The following KCNQ1 variants were observed in gnomAD, a reference collection of about 807,000 sequenced individuals.
The protein encoded by KCNQ1 is potassium voltage-gated channel subfamily KQT member 1.
A neutral mutation model predicts 72.4 loss-of-function variants in KCNQ1; 49 were observed. That is an observed-to-expected ratio of 0.68 (90% CI 0.54 to 0.86). The LOEUF (loss-of-function observed/expected upper bound fraction) is 0.86, where lower values mean the gene tolerates loss of function less well. Ranked by LOEUF, KCNQ1 falls within the 40% of genes least tolerant of loss-of-function variation. KCNQ1 has a pLI of 0.00. For synonymous variants in KCNQ1, 450 were observed against 412.6 expected (o/e 1.09, Z -1.10); for missense variants, 790 against 945.1 (o/e 0.84, Z 2.15).
intron 1 of KCNQ1, 104 bp from the exon 2 acceptor site, chr11:2,527,824 C>A: frequency 1.1e-6 from 1 of 946,466 alleles, no homozygotes; most frequent in Non-Finnish European, 1.7e-6. Flanking sequence ...ACTGTCTGTT[C>A]CTACCTGGGG....
At chr11:2,453,326 T>C (rs1188092495) in intron 1 of KCNQ1, among the ~76,000 whole-genome samples, 2 of 151,838 alleles carry the variant, frequency 1.3e-5, no homozygotes, top group African/African-American at 4.8e-5. Flanking sequence ...TGAGCCGAGA[T>C]CACGCCGTTG....
chr11:2,556,785 A>G (rs964995069), intron 2 of KCNQ1, among the ~76,000 whole-genome samples: 7 of 152,218 alleles, frequency 4.6e-5, no homozygotes, highest in Admixed American at 4.6e-4. Flanking sequence ...GTCTTTAGAG[A>G]GTAGCAGACC....
chr11:2,733,814 A>ACACACACTCT lies in KCNQ1; in HGVS notation c.1515-35029_1515-35028insACACACTCTC. Among the ~76,000 whole-genome samples the ACACACACTCT allele has an allele frequency of 2.9e-3, 255 of 86,552 alleles. 4 individuals are homozygous for ACACACACTCT. Among genetic ancestry groups the ACACACACTCT allele is most frequent in the Admixed American group, 0.02 (158 of 8,006 alleles). The allele number at this position is 86,552 out of a possible 152,430, so 56.8% of individuals were successfully genotyped here. A position where few individuals can be genotyped will look rare whatever the true frequency, so the allele number is the denominator to read the frequency against. On this transcript the variant is annotated intron_variant, in intron 11 of 15. Transcript: ENST00000155840. The stretch of plus-strand genomic sequence containing the variant: ...CACACACACACACACACACACACAC[A>ACACACACTCT]CTCTCTCACTCTCTCTCTCTCTCTC...
chr11:2,778,125 C>A lies in KCNQ1; in HGVS notation c.1794+88C>A, dbSNP rs888501308. The A allele has an allele frequency of 3.9e-6, 5 of 1,288,306 alleles. No individual in the cohort carries two copies. In the African/African-American group the frequency reaches 7.2e-5, roughly 19 times the overall value. 79.8% of individuals were successfully genotyped at this position (1,288,306 alleles called of 1,614,324 possible). ...CTGTGGTCTGCGTGTGAACGTGAAG[C>A]TCCTGCAGGCCTCCCCACCTTCCCG... On this transcript the variant is annotated intron_variant, in intron 15 of 15. Transcript: ENST00000155840.
Position 2,762,072 on chromosome 11 carries a change from A to G in KCNQ1, c.1515-6772A>G, listed in dbSNP as rs1846406449. ...AGCCAGTGGTAGACCCTTCACGGTC[A>G]GGCACCTATGACTCCCCGTTCCCTG... On this transcript the variant is annotated intron_variant, in intron 11 of 15. Coordinates refer to ENST00000155840, the MANE Select transcript of KCNQ1 (RefSeq NM_000218.3). The surrounding 1 kb of genome is among the most constrained non-coding windows in gnomAD (Gnocchi z 4.3). Among the ~76,000 whole-genome samples, 1 of 152,210 alleles carries G rather than the reference A, an allele frequency of 6.6e-6. No individual in the cohort carries two copies. The highest frequency in any genetic ancestry group is 1.5e-5 in the Non-Finnish European group (1 of 68,042).
intron 10 of KCNQ1, chr11:2,622,960 T>C (rs1849199603): frequency 1.0e-5 from 4 of 398,526 alleles, no homozygotes; most frequent in Admixed American, 4.4e-5. Context: ...ATGTGTAACA[T>C]GTTGATATGG....
chr11:2,733,347 C>T (rs1178377265), intron 11 of KCNQ1, among the ~76,000 whole-genome samples: 1 of 152,020 alleles, frequency 6.6e-6, no homozygotes, highest in Non-Finnish European at 1.5e-5. Flanking sequence ...CACTCGCCCT[C>T]CTTCACTGCG....
intron 2 of KCNQ1, among the ~76,000 whole-genome samples, chr11:2,553,743 C>G (rs956841488): frequency 9.2e-5 from 14 of 151,814 alleles, no homozygotes; most frequent in African/African-American, 3.1e-4. Flanking sequence ...GAGATGGAGT[C>G]TTGGTCTTTT....
chr11:2,696,133 T>C (rs2133897898), intron 11 of KCNQ1: 2 of 398,650 alleles, frequency 5.0e-6, no homozygotes, highest in East Asian at 3.6e-5. Context: ...TTCAAGTTCA[T>C]ACATTTTAGT....
intron 2 of KCNQ1, among the ~76,000 whole-genome samples, chr11:2,531,235 C>T (rs539851106): frequency 2.5e-4 from 38 of 150,894 alleles, no homozygotes; most frequent in African/African-American, 9.1e-4. Context: ...GCTCCACATG[C>T]CCGTCTGCAG....
intron 6 of KCNQ1, among the ~76,000 whole-genome samples, chr11:2,576,891 C>T (rs1589961214): frequency 6.6e-6 from 1 of 152,198 alleles, no homozygotes; most frequent in Non-Finnish European, 1.5e-5. Flanking sequence ...CGTTCTTCCT[C>T]CTCCTGGAGT....
chr11:2,631,679 T>C (rs1849355373), intron 10 of KCNQ1: 1 of 398,594 alleles, frequency 2.5e-6, no homozygotes, highest in East Asian at 3.6e-5. Context: ...ATCTGCTCAC[T>C]TGATGGAGTG....
chr11:2,815,620 A>G lies in KCNQ1; in HGVS notation c.1795-32147A>G, dbSNP rs969996771. On this transcript the variant is annotated intron_variant, in intron 15 of 15. Transcript: ENST00000155840. The surrounding 1 kb of genome is among the most constrained non-coding windows in gnomAD (Gnocchi z 5.4). ...TGAGGCACCCAGGATGCCTGACAGT[A>G]GAGTTGCAGGGGGGCAGGCACCATC... Among the ~76,000 whole-genome samples the G allele has an allele frequency of 5.9e-5, 9 of 152,160 alleles. No individual in the cohort carries two copies. The highest frequency in any genetic ancestry group is 1.0e-4 in the Non-Finnish European group (7 of 68,020).
rs551300854 is a variant in KCNQ1, at chr11:2,505,133, C to T, written c.387-22795C>T. ...TTGTTACGTAGGTAAATGTGTGCCACGGTGGTTTGCTGCACCTGTCAACCC... is the reference window on the plus strand; with the variant it reads ...TTGTTACGTAGGTAAATGTGTGCCATGGTGGTTTGCTGCACCTGTCAACCC... On this transcript the variant is annotated intron_variant, in intron 1 of 15. Transcript: ENST00000155840. Among the ~76,000 whole-genome samples, 7 of 151,954 alleles carry T rather than the reference C, an allele frequency of 4.6e-5. No homozygotes were observed. In the South Asian group the frequency reaches 6.2e-4, roughly 14 times the overall value.
chr11:2,648,039 C>G (rs1316265588), intron 10 of KCNQ1: 1 of 394,488 alleles, frequency 2.5e-6, no homozygotes, highest in Non-Finnish European at 4.4e-6. Flanking sequence ...CATGGCAAAC[C>G]CCCATCTCTA....
intron 11 of KCNQ1, among the ~76,000 whole-genome samples, chr11:2,705,629 C>T (rs928357459): frequency 1.2e-4 from 18 of 152,218 alleles, no homozygotes; most frequent in African/African-American, 4.1e-4. Context: ...GCCACTTCCA[C>T]AGCTGCCCCC....
At chr11:2,675,348 AG>A in intron 11 of KCNQ1, 1 of 398,668 alleles carries the variant, frequency 2.5e-6, no homozygotes, top group Non-Finnish European at 4.4e-6. Context: ...TTTTTTAATG[AG>A]TTTAAAACAC....
At position 2,654,324 on chromosome 11, in the gene KCNQ1, G is replaced by C. The variant is rs945995546; in HGVS notation, c.1394-7637G>C. On this transcript the variant is annotated intron_variant, in intron 10 of 15. Transcript: ENST00000155840. This position sits in a 1 kb window ranked among gnomAD's most constrained non-coding sequence, Gnocchi z 6.4. ...GAGATTTCTTGAGGGGGCCAGGGAG[G>C]GGGCTTCTACTTGCAAAGGATAGGG... 6 of 398,700 alleles carry C rather than the reference G, an allele frequency of 1.5e-5. No individual in the cohort carries two copies. Among genetic ancestry groups the C allele is most frequent in the Non-Finnish European group, 2.2e-5 (5 of 226,278 alleles). 24.7% of individuals were successfully genotyped at this position (398,700 alleles called of 1,614,324 possible).
In KCNQ1 at chr11:2,848,916, G is replaced by A; in HGVS notation, c.*913G>A. 2.2e-6 allele frequency: 1 copy of A among 454,158 alleles called. No individual in the cohort carries two copies. Among genetic ancestry groups the A allele is most frequent in the Non-Finnish European group, 4.4e-6 (1 of 226,798 alleles). The allele number at this position is 454,158 out of a possible 1,614,324, so 28.1% of individuals were successfully genotyped here. A position where few individuals can be genotyped will look rare whatever the true frequency, so the allele number is the denominator to read the frequency against. ...CAATAATTTGTGGTGATTTGGATCTGTGTTTTAATGAGTTTCACAGTGTGA... is the reference window on the plus strand; with the variant it reads ...CAATAATTTGTGGTGATTTGGATCTATGTTTTAATGAGTTTCACAGTGTGA... On this transcript the variant is annotated 3_prime_UTR_variant, in exon 16 of 16. Transcript: ENST00000155840.
Sources: allele counts gnomAD v4.1 joint callset (sites outside exome capture counted in the v4.1 genomes callset), GRCh38; gene constraint gnomAD v4.1.1; non-coding constraint Gnocchi (gnomAD v3.1); transcripts MANE v1.5; gene names NCBI Gene and HGNC (gene_info 2026-07-23, HGNC 2026-07-21).